Variants in SCAI observed in about 807,000 individuals in gnomAD.
SCAI encodes suppressor of cancer cell invasion.
Under a neutral mutation model 92.2 loss-of-function variants are expected in SCAI, and 24 were observed. The observed-to-expected ratio is 0.26, with a 90% CI of 0.19 to 0.37. The LOEUF (loss-of-function observed/expected upper bound fraction) is 0.37, where lower values mean the gene tolerates loss of function less well. Ranked by LOEUF, SCAI falls within the 10% of genes least tolerant of loss-of-function variation. The pLI, the probability that SCAI is intolerant of heterozygous loss-of-function variation, is 1.00. For missense variants in SCAI, 450 were observed against 736.2 expected (o/e 0.61, Z 4.50); for synonymous variants, 261 against 258.6 (o/e 1.01, Z -0.09).
At chr9:125,082,462 T>G (rs606594) in intron 2 of SCAI, among the ~76,000 whole-genome samples, 72,491 of 152,090 alleles carry the variant, frequency 0.48, 17,863 homozygotes, top group East Asian at 0.64. Context: ...AGTCCCTACT[T>G]GGGCACTGCC....
At chr9:124,971,176 T>A (rs756712060) in intron 17 of SCAI, 194 bp downstream of exon 17, 1 of 378,052 alleles carries the variant, frequency 2.6e-6, no homozygotes, top group Non-Finnish European at 4.7e-6. Flanking sequence ...ATTGTTAATC[T>A]TTATACTTTA....
intron 2 of SCAI, among the ~76,000 whole-genome samples, chr9:125,101,831 ATGTC>A (rs1280629110): frequency 6.6e-6 from 1 of 152,190 alleles, no homozygotes; most frequent in Non-Finnish European, 1.5e-5. Context: ...AGCAGGGAAA[ATGTC>A]AGTCAGCTAA....
intron 2 of SCAI, among the ~76,000 whole-genome samples, chr9:125,076,215 T>C (rs1026949008): frequency 2.0e-5 from 3 of 151,562 alleles, no homozygotes; most frequent in African/African-American, 7.3e-5. Context: ...AAGATACTTA[T>C]GGGCCAGGCG....
intron 3 of SCAI, among the ~76,000 whole-genome samples, chr9:125,037,086 T>C (rs532007971): frequency 6.6e-6 from 1 of 152,188 alleles, no homozygotes; most frequent in Non-Finnish European, 1.5e-5. Context: ...CTGGCCAACA[T>C]GGTGAAACCC....
intron 2 of SCAI, among the ~76,000 whole-genome samples, chr9:125,089,074 A>T (rs1834378311): frequency 6.6e-6 from 1 of 152,206 alleles, no homozygotes; most frequent in Non-Finnish European, 1.5e-5. Context: ...TATCCAAAAC[A>T]TTCCCAACCC....
At chr9:124,988,169 A>G (rs1832038552) in intron 14 of SCAI, among the ~76,000 whole-genome samples, 1 of 152,022 alleles carries the variant, frequency 6.6e-6, no homozygotes, top group African/African-American at 2.4e-5. Context: ...TCTGATATAC[A>G]TGACCAGGCC....
intron 17 of SCAI, among the ~76,000 whole-genome samples, chr9:124,955,547 G>A (rs928934219): frequency 3.2e-4 from 48 of 151,690 alleles, no homozygotes; most frequent in Non-Finnish European, 4.0e-4. Flanking sequence ...CTTGAACCCG[G>A]GAGGCAGAGG....
intron 2 of SCAI, among the ~76,000 whole-genome samples, chr9:125,093,816 G>A (rs1029666970): frequency 4.0e-4 from 61 of 151,916 alleles, no homozygotes; most frequent in African/African-American, 1.4e-3. Flanking sequence ...TGCCCTCCTC[G>A]GCCTCCCAAA....
chr9:125,062,457 A>G (rs1438356541), intron 2 of SCAI, among the ~76,000 whole-genome samples: 6 of 150,976 alleles, frequency 4.0e-5, no homozygotes, highest in Non-Finnish European at 8.9e-5. Context: ...AAAAAAAAAA[A>G]AAAGAAAAGC....
At chr9:124,964,837 G>A (rs1831507439) in intron 17 of SCAI, among the ~76,000 whole-genome samples, 2 of 152,272 alleles carry the variant, frequency 1.3e-5, no homozygotes, top group East Asian at 3.9e-4. Flanking sequence ...ACTGGCAGCT[G>A]GTGTTTATCT....
chr9:125,097,479 T>C (rs558506629), intron 2 of SCAI, among the ~76,000 whole-genome samples: 5 of 152,242 alleles, frequency 3.3e-5, no homozygotes, highest in African/African-American at 4.8e-5. Context: ...AATTAAATCA[T>C]TCTTTTTTCT....
chr9:125,136,887 A>G (rs553297296), intron 2 of SCAI, among the ~76,000 whole-genome samples: 2 of 151,920 alleles, frequency 1.3e-5, no homozygotes, highest in South Asian at 4.2e-4. Flanking sequence ...CAGCCTCGCA[A>G]GTAACTGGGA....
chr9:124,978,721 G>A (rs1831811634), intron 14 of SCAI, among the ~76,000 whole-genome samples: 1 of 151,936 alleles, frequency 6.6e-6, no homozygotes, highest in Non-Finnish European at 1.5e-5. Flanking sequence ...TGATAGTGAA[G>A]GAATGGAAAT....
At chr9:125,043,577 C>G (rs1346635944) in intron 3 of SCAI, among the ~76,000 whole-genome samples, 2 of 152,218 alleles carry the variant, frequency 1.3e-5, no homozygotes, top group Non-Finnish European at 2.9e-5. Flanking sequence ...TCTCCTGCCT[C>G]AGCCTCCTGA....
At chr9:125,037,411 C>CA (rs5900641) in intron 3 of SCAI, among the ~76,000 whole-genome samples, 78 of 139,858 alleles carry the variant, frequency 5.6e-4, no homozygotes, top group East Asian at 2.5e-3. Context: ...TCTATCCCTA[C>CA]AAAAAAAAAA....
At chr9:125,120,359 G>A (rs1318653245) in intron 2 of SCAI, among the ~76,000 whole-genome samples, 4 of 152,076 alleles carry the variant, frequency 2.6e-5, no homozygotes, top group African/African-American at 9.7e-5. Flanking sequence ...GAATTCAATG[G>A]CCTACAAGTA....
chr9:125,020,057 A>G (rs1295713157), intron 7 of SCAI, among the ~76,000 whole-genome samples: 1 of 142,724 alleles, frequency 7.0e-6, no homozygotes, highest in Admixed American at 7.5e-5. Flanking sequence ...TGGATGACAG[A>G]GCGAGACCTT....
intron 2 of SCAI, among the ~76,000 whole-genome samples, chr9:125,067,949 G>GA (rs1390889519): frequency 6.6e-6 from 1 of 152,158 alleles, no homozygotes; most frequent in Non-Finnish European, 1.5e-5. Context: ...AAAGCAACAA[G>GA]AAAAACTGCC....
chr9:125,036,512 G>C (rs1833199108), intron 3 of SCAI, among the ~76,000 whole-genome samples: 1 of 152,166 alleles, frequency 6.6e-6, no homozygotes, highest in South Asian at 2.1e-4. Flanking sequence ...TCTGAAAAAT[G>C]AGGACTCCAG....
Sources: allele counts gnomAD v4.1 joint callset (sites outside exome capture counted in the v4.1 genomes callset), GRCh38; gene constraint gnomAD v4.1.1; transcripts MANE v1.5; gene names NCBI Gene and HGNC (gene_info 2026-07-23, HGNC 2026-07-21).